DAPK2: variants seen among roughly 807,000 people sequenced by gnomAD.
The protein encoded by DAPK2 is death associated protein kinase 2, also known as death-associated protein kinase 2.
Under a neutral mutation model 44.1 loss-of-function variants are expected in DAPK2, and 35 were observed. That is an observed-to-expected ratio of 0.79 (90% CI 0.61 to 1.05). DAPK2 has a LOEUF of 1.05. DAPK2 is among the 50% of genes least tolerant of loss of function. DAPK2 has a pLI of 0.00. For synonymous variants in DAPK2, 174 were observed against 182.6 expected, an observed-to-expected ratio of 0.95 and a Z score of 0.38; for missense variants, 453 against 483.2, an observed-to-expected ratio of 0.94 and a Z score of 0.59.
At chr15:64,035,036 C>T (rs1437228487) in intron 1 of DAPK2, among the ~76,000 whole-genome samples, 1 of 151,940 alleles carries the variant, frequency 6.6e-6, no homozygotes, top group African/African-American at 2.4e-5. Flanking sequence ...GGCATGGTGG[C>T]GTGTGCCTGT....
At chr15:63,941,975 C>T (rs1169060115) in intron 3 of DAPK2, among the ~76,000 whole-genome samples, 1 of 152,242 alleles carries the variant, frequency 6.6e-6, no homozygotes, top group African/African-American at 2.4e-5. Flanking sequence ...GGAACTTCTC[C>T]TCTCCTCCAG....
At chr15:63,947,597 A>G (rs572512948) in intron 3 of DAPK2, among the ~76,000 whole-genome samples, 1 of 152,352 alleles carries the variant, frequency 6.6e-6, no homozygotes, top group African/African-American at 2.4e-5. Flanking sequence ...AACCTCTCTC[A>G]GCATAGGTTT....
chr15:63,943,678 G>C (rs1359251109), intron 3 of DAPK2, among the ~76,000 whole-genome samples: 3 of 151,204 alleles, frequency 2.0e-5, no homozygotes, highest in Non-Finnish European at 4.4e-5. Flanking sequence ...TTCAAGACCA[G>C]CCTGGTCAAC....
intron 1 of DAPK2, among the ~76,000 whole-genome samples, chr15:64,009,485 C>T (rs557671606): frequency 6.6e-6 from 1 of 152,254 alleles, no homozygotes; most frequent in Non-Finnish European, 1.5e-5. Flanking sequence ...TAGCCTCATT[C>T]TACTTGCCCA....
Position 64,013,003 on chromosome 15 carries a change from G to A in DAPK2, c.92+27167C>T, listed in dbSNP as rs1258910420. 6.6e-6 allele frequency among the ~76,000 whole-genome samples: 1 copy of A among 152,132 alleles called. No homozygotes were observed. Among genetic ancestry groups the A allele is most frequent in the Non-Finnish European group, 1.5e-5 (1 of 68,028 alleles). ...GGGATATAAATTGTATCTTCGATAT[G>A]ATCATAATGTCAAACAGACAAGAAA... On this transcript the variant is annotated intron_variant, in intron 1 of 10. Coordinates refer to ENST00000261891, the Ensembl canonical transcript of DAPK2. The surrounding 1 kb of genome is among the most constrained non-coding windows in gnomAD (Gnocchi z 4.7).
intron 7 of DAPK2, 28 bp downstream of exon 8, chr15:63,925,913 G>A: frequency 6.2e-7 from 1 of 1,614,084 alleles, no homozygotes; most frequent in South Asian, 1.1e-5. Flanking sequence ...CAGTACCTGA[G>A]AAACCAGTGG....
exon 11 of DAPK2, chr15:63,907,078 CCAGAGTCTAAGATTGAGGT>C: frequency 6.6e-6 from 1 of 152,252 alleles, no homozygotes; most frequent in Middle Eastern, 3.4e-3. Flanking sequence ...ATTTTTGAGG[CCAGAGTCTAAGATTGAGGT>C]GTCAGCAGGG....
intron 1 of DAPK2, among the ~76,000 whole-genome samples, chr15:64,015,834 G>A (rs1470369422): frequency 6.6e-6 from 1 of 152,208 alleles, no homozygotes. Context: ...CTAGGAGACA[G>A]GTATGGAACT....
chr15:63,924,756 C>T, intron 8 of DAPK2, 60 bp downstream of exon 9: 1 of 1,595,992 alleles, frequency 6.3e-7, no homozygotes, highest in Non-Finnish European at 8.6e-7. Flanking sequence ...GCTGCCCAGG[C>T]CAACCCTGGC....
At chr15:63,974,282 T>C (rs1183256907) in intron 2 of DAPK2, among the ~76,000 whole-genome samples, 1 of 152,204 alleles carries the variant, frequency 6.6e-6, no homozygotes, top group East Asian at 1.9e-4. Context: ...GAGCCAAATA[T>C]GAGTGCTCAA....
intron 6 of DAPK2, among the ~76,000 whole-genome samples, chr15:63,926,637 G>A (rs1024636887): frequency 6.6e-6 from 1 of 152,168 alleles, no homozygotes; most frequent in African/African-American, 2.4e-5. Flanking sequence ...AACAGGGTTT[G>A]TCAAGGATGT....
chr15:64,036,430 C>T (rs1400798103), intron 1 of DAPK2, among the ~76,000 whole-genome samples: 1 of 147,946 alleles, frequency 6.8e-6, no homozygotes, highest in Non-Finnish European at 1.5e-5. Flanking sequence ...AAAATGAACA[C>T]ATCTGTGAAA....
At position 63,990,661 on chromosome 15, in the gene DAPK2, T is replaced by C. The variant is rs2078793785; in HGVS notation, c.93-6907A>G. On this transcript the variant is annotated intron_variant, in intron 1 of 10. Transcript: ENST00000261891. This position sits in a 1 kb window ranked among gnomAD's most constrained non-coding sequence, Gnocchi z 4.3. The stretch of plus-strand genomic sequence containing the variant: ...AAGCAGAGGGTCGCGGAGACTGGCT[T>C]CCTCCTCCTGCTTCCCCACCGCAGA... Among the ~76,000 whole-genome samples the C allele has an allele frequency of 6.6e-6, 1 of 152,058 alleles. No homozygotes were observed. The highest frequency in any genetic ancestry group is 2.4e-5 in the African/African-American group (1 of 41,412).
intron 3 of DAPK2, among the ~76,000 whole-genome samples, chr15:63,945,446 C>A (rs1359235505): frequency 6.6e-6 from 1 of 152,212 alleles, no homozygotes; most frequent in Non-Finnish European, 1.5e-5. Context: ...AGGCCCCGCA[C>A]CACCACTAGG....
chr15:63,945,723 G>GC (rs1416778618), intron 3 of DAPK2, among the ~76,000 whole-genome samples: 1 of 152,174 alleles, frequency 6.6e-6, no homozygotes, highest in South Asian at 2.1e-4. Flanking sequence ...CTGGGCCTCA[G>GC]CCCCCCAACT....
At chr15:64,036,053 G>A (rs1303600904) in intron 1 of DAPK2, among the ~76,000 whole-genome samples, 5 of 151,816 alleles carry the variant, frequency 3.3e-5, no homozygotes, top group Non-Finnish European at 1.5e-5. Context: ...ACAAGGTCAA[G>A]AGATCGAGAC....
At chr15:63,950,344 T>A (rs2140522644) in intron 3 of DAPK2, among the ~76,000 whole-genome samples, 1 of 152,182 alleles carries the variant, frequency 6.6e-6, no homozygotes, top group African/African-American at 2.4e-5. Context: ...GCCTCTTGAA[T>A]AGCTGGGCCT....
chr15:63,982,023 G>A (rs886289101), intron 2 of DAPK2, among the ~76,000 whole-genome samples: 9 of 152,142 alleles, frequency 5.9e-5, no homozygotes, highest in African/African-American at 1.4e-4. Context: ...GTGGTCCACC[G>A]AGTCTGTAGG....
chr15:64,028,920 CTT>C (rs201573915), intron 1 of DAPK2, among the ~76,000 whole-genome samples: 5 of 151,940 alleles, frequency 3.3e-5, no homozygotes, highest in African/African-American at 1.2e-4. Context: ...ATTCTTACAA[CTT>C]TTTTTTATCA....
Sources: gnomAD v4.1 joint callset for allele counts (sites outside exome capture counted in the v4.1 genomes callset) on GRCh38, gnomAD v4.1.1 for gene constraint, Gnocchi (gnomAD v3.1) non-coding constraint, MANE v1.5 for transcripts, NCBI Gene and HGNC (gene_info 2026-07-23, HGNC 2026-07-21) for gene names.